The following TRDN variants were observed in gnomAD, a reference collection of about 807,000 sequenced individuals.
TRDN encodes the protein triadin in skeletal muscle.
A neutral mutation model predicts 149.7 loss-of-function variants in TRDN; 161 were observed. The observed-to-expected ratio is 1.08, with a 90% CI of 0.95 to 1.23. The LOEUF is 1.23. Among genes scored for constraint, TRDN ranks in the 50% most tolerant of loss-of-function variants. TRDN has a pLI of 0.00. For synonymous variants in TRDN, 294 were observed against 250.5 expected (o/e 1.17, Z -1.64); for missense variants, 896 against 823.5 (o/e 1.09, Z -1.08).
intron 10 of TRDN, among the ~76,000 whole-genome samples, chr6:123,453,219 C>T (rs1290174749): frequency 1.3e-5 from 2 of 152,086 alleles, no homozygotes; most frequent in South Asian, 2.1e-4. Flanking sequence ...GACCAATAAC[C>T]CAAAAGCAAA....
chr6:123,510,475 C>G (rs751578153), intron 7 of TRDN, among the ~76,000 whole-genome samples: 2 of 151,848 alleles, frequency 1.3e-5, no homozygotes, highest in African/African-American at 4.8e-5. Context: ...TCCATTTTTT[C>G]TAGTAATTGG....
intron 2 of TRDN, 140 bp from the exon 3 acceptor site, chr6:123,548,752 A>T: frequency 1.3e-6 from 1 of 770,626 alleles, no homozygotes; most frequent in Non-Finnish European, 1.8e-6. Flanking sequence ...CCTGGCTACA[A>T]TTTTTTGCGC....
chr6:123,590,664 A>C (rs1783734421), intron 1 of TRDN, among the ~76,000 whole-genome samples: 1 of 152,158 alleles, frequency 6.6e-6, no homozygotes, highest in African/African-American at 2.4e-5. Context: ...TGGGAGGCTG[A>C]GGCAGGAGAA....
chr6:123,297,142 G>A (rs767015006), intron 24 of TRDN, among the ~76,000 whole-genome samples: 3 of 151,868 alleles, frequency 2.0e-5, no homozygotes, highest in Non-Finnish European at 4.4e-5. Flanking sequence ...CTAAGTTTTC[G>A]AGGCACCCAT....
intron 4 of TRDN, among the ~76,000 whole-genome samples, chr6:123,537,145 A>T (rs950861175): frequency 6.6e-6 from 1 of 152,168 alleles, no homozygotes; most frequent in Non-Finnish European, 1.5e-5. Flanking sequence ...TTTCAACAGA[A>T]AAAAATTGAG....
chr6:123,369,460 G>A (rs1053846989), intron 19 of TRDN, among the ~76,000 whole-genome samples: 5 of 152,038 alleles, frequency 3.3e-5, no homozygotes, highest in Admixed American at 2.6e-4. Context: ...AGCAGTCATC[G>A]AAGCTGAAGG....
intron 38 of TRDN, among the ~76,000 whole-genome samples, chr6:123,247,881 G>C (rs1338793958): frequency 6.6e-6 from 1 of 152,060 alleles, no homozygotes; most frequent in Non-Finnish European, 1.5e-5. Flanking sequence ...AAACAGCATG[G>C]TACTGGTACC....
intron 10 of TRDN, among the ~76,000 whole-genome samples, chr6:123,446,711 T>G (rs1775399137): frequency 6.6e-6 from 1 of 151,980 alleles, no homozygotes; most frequent in Admixed American, 6.6e-5. Flanking sequence ...ATCTTTTTAC[T>G]GGTATGAATT....
At chr6:123,510,642 C>CTT (rs145396385) in intron 7 of TRDN, among the ~76,000 whole-genome samples, 1 of 138,482 alleles carries the variant, frequency 7.2e-6, no homozygotes, top group Non-Finnish European at 1.6e-5. Flanking sequence ...TGCATGACCA[C>CTT]TTTTTTTTTT....
Position 123,304,252 on chromosome 6 carries a change from C to CTTTTTTTTTTTTTTTT in TRDN, c.1510+12189_1510+12204dup, listed in dbSNP as rs71649806. Among the ~76,000 whole-genome samples the CTTTTTTTTTTTTTTTT allele has an allele frequency of 1.6e-5, 2 of 128,956 alleles. 1 individual carries two copies. Among genetic ancestry groups the CTTTTTTTTTTTTTTTT allele is most frequent in the African/African-American group, 5.7e-5 (2 of 35,156 alleles). 84.6% of individuals were successfully genotyped at this position (128,956 alleles called of 152,430 possible). ...ATGAATATTAATTTTCTTTTATTTT[C>CTTTTTTTTTTTTTTTT]TTTTTTTTTTTTTTTTTTTGAGACG... On this transcript the variant is annotated intron_variant, in intron 24 of 40. Transcript: ENST00000334268.
chr6:123,495,197 G>A (rs188033329), intron 9 of TRDN, among the ~76,000 whole-genome samples: 1 of 151,948 alleles, frequency 6.6e-6, no homozygotes, highest in East Asian at 1.9e-4. Flanking sequence ...GGGACAATGG[G>A]TGCATACCGC....
chr6:123,530,016 C>G (rs1780158431), intron 5 of TRDN, among the ~76,000 whole-genome samples: 1 of 151,996 alleles, frequency 6.6e-6, no homozygotes. Flanking sequence ...CATGCTGTCA[C>G]TGTCCATCTA....
At chr6:123,529,449 T>A in intron 5 of TRDN, 1 of 1,156,412 alleles carries the variant, frequency 8.6e-7, no homozygotes, top group Non-Finnish European at 1.3e-6. Context: ...ATTCAAACAT[T>A]AGGATTAAAG....
intron 1 of TRDN, among the ~76,000 whole-genome samples, chr6:123,626,175 G>A (rs76871315): frequency 0.065 from 9,879 of 152,002 alleles, 1,047 homozygotes; most frequent in African/African-American, 0.23. Context: ...CACTCTCTTT[G>A]CTCATTCATA....
intron 2 of TRDN, among the ~76,000 whole-genome samples, chr6:123,560,790 A>G (rs1213243254): frequency 6.6e-6 from 1 of 152,124 alleles, no homozygotes; most frequent in East Asian, 1.9e-4. Flanking sequence ...CCAGCCTCAC[A>G]GGCCCATTCT....
chr6:123,548,704 A>C, intron 2 of TRDN, 92 bp from the exon 3 acceptor site: 1 of 1,119,044 alleles, frequency 8.9e-7, no homozygotes, highest in Non-Finnish European at 1.2e-6. Context: ...TGTTGTTTTG[A>C]CAAAAAGAAT....
At chr6:123,340,816 T>A (rs1780038822) in intron 21 of TRDN, among the ~76,000 whole-genome samples, 1 of 151,972 alleles carries the variant, frequency 6.6e-6, no homozygotes, top group African/African-American at 2.4e-5. Flanking sequence ...TTTCCCAGAG[T>A]GTAACTTATA....
chr6:123,322,875 G>A (rs542963968), intron 23 of TRDN, among the ~76,000 whole-genome samples: 115 of 151,660 alleles, frequency 7.6e-4, no homozygotes, highest in Middle Eastern at 3.4e-3. Flanking sequence ...TCCTGACCTC[G>A]TGATCCACCT....
At chr6:123,222,647 C>T (rs1268727376) in intron 39 of TRDN, among the ~76,000 whole-genome samples, 1 of 151,778 alleles carries the variant, frequency 6.6e-6, no homozygotes, top group African/African-American at 2.4e-5. Context: ...AGAATTTATA[C>T]TTCGTTGGCT....
Sources: gnomAD v4.1 joint callset for allele counts (sites outside exome capture counted in the v4.1 genomes callset) on GRCh38, gnomAD v4.1.1 for gene constraint, MANE v1.5 for transcripts, NCBI Gene and HGNC (gene_info 2026-07-23, HGNC 2026-07-21) for gene names.